The following RAPH1 variants were observed in gnomAD, a reference collection of about 807,000 sequenced individuals.
RAPH1 encodes Ras association (RalGDS/AF-6) and pleckstrin homology domains 1.
RAPH1 carries 18 observed loss-of-function variants against 88.1 expected under a neutral mutation model. That is an observed-to-expected ratio of 0.20 (90% CI 0.14 to 0.30). The LOEUF (loss-of-function observed/expected upper bound fraction) is 0.30, where lower values mean the gene tolerates loss of function less well. Ranked by LOEUF, RAPH1 falls within the 10% of genes least tolerant of loss-of-function variation. The pLI is 1.00. For synonymous variants in RAPH1, 587 were observed against 559.0 expected (o/e 1.05, Z -0.71); for missense variants, 1,448 against 1,543.2 (o/e 0.94, Z 1.03).
At chr2:203,474,919 T>G (rs1049924905) in intron 4 of RAPH1, among the ~76,000 whole-genome samples, 1 of 152,128 alleles carries the variant, frequency 6.6e-6, no homozygotes, top group Admixed American at 6.5e-5. Flanking sequence ...AAGACCAGCC[T>G]GGCCAACATG....
At chr2:203,519,118 GA>G (rs1689751688) in intron 1 of RAPH1, among the ~76,000 whole-genome samples, 1 of 152,174 alleles carries the variant, frequency 6.6e-6, no homozygotes, top group South Asian at 2.1e-4. Context: ...CTCGAAGATA[GA>G]AGCAGAGGGA....
At chr2:203,526,314 T>C (rs1483299458) in intron 1 of RAPH1, among the ~76,000 whole-genome samples, 1 of 152,226 alleles carries the variant, frequency 6.6e-6, no homozygotes, top group Non-Finnish European at 1.5e-5. Context: ...TCTGATATAA[T>C]GTGGAATGAT....
chr2:203,440,025 C>T lies in RAPH1; in HGVS notation c.3165G>A (p.Gly1055=), dbSNP rs1489660389. The T allele has an allele frequency of 1.2e-6, 2 of 1,613,604 alleles. No individual in the cohort carries two copies. The highest frequency in any genetic ancestry group is 1.7e-6 in the Non-Finnish European group (2 of 1,179,978). ...CVSAKAPVLS[G]RGKDSVVEFP... ...ATTCCACCACGGAGTCCTTTCCACG[C>T]CCACTCAGAACAGGGGCTTTTGCTG... is the stretch of plus-strand genomic sequence containing the variant. Residue 1055 remains glycine, a synonymous_variant, in exon 14 of 14, where the codon GGG becomes GGA. Coordinates refer to ENST00000319170, the MANE Select transcript of RAPH1 (RefSeq NM_213589.3).
intron 4 of RAPH1, among the ~76,000 whole-genome samples, chr2:203,463,443 A>G (rs2246015): frequency 0.1 from 15,741 of 152,200 alleles, 1,650 homozygotes; most frequent in African/African-American, 0.27. Flanking sequence ...TTATTTATGA[A>G]CTACTTTTCT....
intron 12 of RAPH1, 188 bp from the exon 13 acceptor site, chr2:203,445,198 A>C: frequency 2.1e-6 from 1 of 484,798 alleles, no homozygotes; most frequent in Non-Finnish European, 3.6e-6. Context: ...CCTTGGAATT[A>C]AGAAATCTCA....
At chr2:203,443,555 T>G (rs2098506232) in intron 13 of RAPH1, 1 of 152,058 alleles carries the variant, frequency 6.6e-6, no homozygotes, top group African/African-American at 2.4e-5. Context: ...TCCAAAACTT[T>G]TAAGGGAAAT....
At chr2:203,481,469 T>A (rs1451536388) in intron 4 of RAPH1, among the ~76,000 whole-genome samples, 1 of 152,112 alleles carries the variant, frequency 6.6e-6, no homozygotes, top group Non-Finnish European at 1.5e-5. Context: ...CTCTTTATTC[T>A]ACTCTCCTTC....
chr2:203,506,888 A>T lies in RAPH1; in HGVS notation c.1-11535T>A, dbSNP rs1307059086. ...TATATATATATATATATAGATATAT[A>T]TATATATATATTTTTTTTTTTTTTG... On this transcript the variant is annotated intron_variant, in intron 1 of 13. Transcript: ENST00000319170. Among the ~76,000 whole-genome samples the T allele has an allele frequency of 4.2e-4, 43 of 103,160 alleles. 3 individuals carry two copies. Among genetic ancestry groups the T allele is most frequent in the African/African-American group, 2.2e-3 (40 of 18,444 alleles). 67.7% of individuals were successfully genotyped at this position (103,160 alleles called of 152,430 possible).
chr2:203,523,047 G>C (rs1188234835), intron 1 of RAPH1, among the ~76,000 whole-genome samples: 2 of 152,010 alleles, frequency 1.3e-5, no homozygotes, highest in Non-Finnish European at 2.9e-5. Flanking sequence ...CAATGTAACA[G>C]AATGGAAAGT....
chr2:203,489,733 T>C lies in RAPH1; in HGVS notation c.583A>G (p.Thr195Ala). The C allele has an allele frequency of 6.2e-7, 1 of 1,614,192 alleles. No individual in the cohort carries two copies. The highest frequency in any genetic ancestry group is 8.5e-7 in the Non-Finnish European group (1 of 1,180,034). The change falls in exon 4 of 14, where the codon ACA becomes GCA. Residue 195 changes from threonine (T) to alanine (A), a missense_variant. Coordinates refer to ENST00000319170, the MANE Select transcript of RAPH1 (RefSeq NM_213589.3). ...GAGTGTACTTCAGCATCACTCACTG[T>C]GCCTGCTGACGCGGTTCTTCTGTGC... ...NQHRRTASAG[T>A]VSDAEVHSIS...
At chr2:203,528,579 A>G (rs1194915875) in intron 1 of RAPH1, among the ~76,000 whole-genome samples, 3 of 152,182 alleles carry the variant, frequency 2.0e-5, no homozygotes, top group Non-Finnish European at 4.4e-5. Context: ...CAGCTAAGAG[A>G]AGCATTAAAA....
chr2:203,498,134 T>C (rs887456889), intron 1 of RAPH1, among the ~76,000 whole-genome samples: 1 of 152,220 alleles, frequency 6.6e-6, no homozygotes, highest in African/African-American at 2.4e-5. Flanking sequence ...GAGTAATACT[T>C]ATTCTTAATT....
chr2:203,506,393 A>G (rs1297827474), intron 1 of RAPH1, among the ~76,000 whole-genome samples: 1 of 152,100 alleles, frequency 6.6e-6, no homozygotes, highest in Non-Finnish European at 1.5e-5. Flanking sequence ...CTACACAAAA[A>G]GTAACAGACA....
rs1477255941 is a variant in RAPH1 at position 203,495,366 on chromosome 2, C to T, written c.1-13G>A. On this transcript the variant is annotated splice_polypyrimidine_tract_variant and intron_variant, in intron 1 of 13. Coordinates refer to ENST00000319170, the MANE Select transcript of RAPH1 (RefSeq NM_213589.3). ...ATAGCTGCTCCATCTGAAATACAGA[C>T]ATTTGTGTAGAATGAATAGTAAGTT... The T allele has an allele frequency of 5.6e-6, 9 of 1,613,444 alleles. No individual in the cohort carries two copies. The Admixed American group carries it at 1.2e-4, about 21-fold the overall frequency.
intron 1 of RAPH1, among the ~76,000 whole-genome samples, chr2:203,517,048 T>C (rs569674693): frequency 6.8e-6 from 1 of 146,968 alleles, no homozygotes; most frequent in South Asian, 2.2e-4. Flanking sequence ...AAAAAAAAAA[T>C]AAAGAAAGAA....
intron 6 of RAPH1, 87 bp from the exon 7 acceptor site, chr2:203,460,115 G>T: frequency 1.7e-6 from 2 of 1,171,048 alleles, no homozygotes; most frequent in Non-Finnish European, 2.4e-6. Context: ...GTTAACCTCA[G>T]AACCACATAA....
In RAPH1 at chr2:203,440,289, C is replaced by T. The variant is rs1169946495; in HGVS notation, c.2901G>A (p.Gly967=). 2 of 1,613,594 alleles carry T rather than the reference C, an allele frequency of 1.2e-6. No individual in the cohort carries two copies. Among genetic ancestry groups the T allele is most frequent in the Non-Finnish European group, 1.7e-6 (2 of 1,179,946 alleles). ...GKKTSKTSSP[G]GKKPPPTPQR... ...GTGGGGTTGGGGGTGGTTTCTTTCC[C>T]CCAGGGCTGGACGTCTTACTGGTCT... The change falls in exon 14 of 14, where the codon GGG becomes GGA. Residue 967 remains glycine, a synonymous_variant. Coordinates refer to ENST00000319170, the MANE Select transcript of RAPH1 (RefSeq NM_213589.3).
rs764857361 is a variant in RAPH1 at position 203,470,695 on chromosome 2, T to C, written c.733-8770A>G. 3.9e-5 allele frequency among the ~76,000 whole-genome samples: 6 copies of C among 152,374 alleles called. No homozygotes were observed. The South Asian group carries it at 6.2e-4, about 16-fold the overall frequency. ...AATGACTAAACTCCCTTTCTCTTGT[T>C]AAAGCCTATGAAGACCTATATAGCT... On this transcript the variant is annotated intron_variant, in intron 4 of 13. Coordinates refer to ENST00000319170, the MANE Select transcript of RAPH1 (RefSeq NM_213589.3).
chr2:203,460,096 T>G, intron 6 of RAPH1, 68 bp from the exon 7 acceptor site: 6 of 1,382,422 alleles, frequency 4.3e-6, no homozygotes, highest in Non-Finnish European at 6.0e-6. Flanking sequence ...CATGAAACTT[T>G]GTGAAGTAGT....
Sources: gnomAD v4.1 joint callset for allele counts (sites outside exome capture counted in the v4.1 genomes callset) on GRCh38, gnomAD v4.1.1 for gene constraint, MANE v1.5 for transcripts, NCBI Gene and HGNC (gene_info 2026-07-23, HGNC 2026-07-21) for gene names.